ZNF454: variants seen among roughly 807,000 people sequenced by gnomAD.
ZNF454 encodes zinc finger protein 454.
A neutral mutation model predicts 48.2 loss-of-function variants in ZNF454; 30 were observed. That is an observed-to-expected ratio of 0.62 (90% CI 0.47 to 0.84). ZNF454 has a LOEUF of 0.84. Ranked by LOEUF, ZNF454 falls within the 40% of genes least tolerant of loss-of-function variation. The pLI is 0.00. For synonymous variants in ZNF454, 204 were observed against 211.4 expected (o/e 0.97, Z 0.30); for missense variants, 510 against 623.1 (o/e 0.82, Z 1.93).
the ZNF454 span, chr5:178,975,601 C>T: frequency 3.1e-6 from 1 of 323,032 alleles, no homozygotes; most frequent in Non-Finnish European, 6.5e-6. Flanking sequence ...TTATTAAAAC[C>T]CTCCAGTGTC....
chr5:178,980,399 A>G, the ZNF454 span: 1 of 154,320 alleles, frequency 6.5e-6, no homozygotes, highest in South Asian at 2.0e-4. This position sits in a 1 kb window ranked among gnomAD's most constrained non-coding sequence, Gnocchi z 4.3. Context: ...CAGCTTGCAA[A>G]TGGACTTCCC....
At position 178,958,693 on chromosome 5, in the gene ZNF454, C is replaced by T. The variant is rs374878565; in HGVS notation, c.251-5962C>T. On this transcript the variant is annotated intron_variant, in intron 4 of 4. Transcript: ENST00000519564. ...TGGTTATACTAATTTATACTCCTAC[C>T]GGCGAAATGCAAGGTTTCCATATCA... 3.3e-5 allele frequency among the ~76,000 whole-genome samples: 5 copies of T among 152,262 alleles called. No homozygotes were observed. In the East Asian group the frequency reaches 9.6e-4, roughly 29 times the overall value.
the ZNF454 span, chr5:178,986,753 C>T: frequency 6.2e-7 from 1 of 1,608,420 alleles, no homozygotes; most frequent in Non-Finnish European, 8.5e-7. Context: ...AGGGCCTCCA[C>T]CTGGGACGCA....
At chr5:178,985,474 T>A in the ZNF454 span, among the ~76,000 whole-genome samples, 9 of 150,160 alleles carry the variant, frequency 6.0e-5, no homozygotes, top group East Asian at 3.9e-4. Context: ...GAGGCCGAGG[T>A]GGGCGGATCA....
At chr5:178,986,107 C>T in the ZNF454 span, 1 of 1,607,910 alleles carries the variant, frequency 6.2e-7, no homozygotes, top group Non-Finnish European at 8.5e-7. Context: ...CCTGCCCTGG[C>T]CCTTGGGAGC....
chr5:178,981,436 G>T, the ZNF454 span: 1 of 555,980 alleles, frequency 1.8e-6, no homozygotes, highest in South Asian at 2.3e-5. The surrounding 1 kb of genome is among the most constrained non-coding windows in gnomAD (Gnocchi z 5.1). Flanking sequence ...CATGGGAAGC[G>T]AGTCTGGTCT....
chr5:178,947,455 C>T (rs1759384293), intron 4 of ZNF454, among the ~76,000 whole-genome samples: 1 of 152,198 alleles, frequency 6.6e-6, no homozygotes, highest in Admixed American at 6.5e-5. Flanking sequence ...ATGTGTTTGT[C>T]CACGTGGGTT....
downstream of ZNF454, chr5:178,966,482 A>C (rs1221321564): frequency 3.3e-5 from 5 of 152,234 alleles, no homozygotes; most frequent in African/African-American, 1.2e-4. Context: ...ATTCTTTAAT[A>C]CTGCCTCAAA....
chr5:178,973,276 G>A, the ZNF454 span, among the ~76,000 whole-genome samples: 1 of 152,062 alleles, frequency 6.6e-6, no homozygotes, highest in Non-Finnish European at 1.5e-5. Context: ...AATGGAAGAA[G>A]CTATTGTCTG....
the ZNF454 span, among the ~76,000 whole-genome samples, chr5:178,987,905 A>T: frequency 7.0e-6 from 1 of 143,378 alleles, no homozygotes; most frequent in African/African-American, 2.6e-5. Context: ...GATTATAGGC[A>T]CCCGTCGCCA....
chr5:178,942,274 C>T (rs1466019555), intron 1 of ZNF454, among the ~76,000 whole-genome samples: 2 of 152,088 alleles, frequency 1.3e-5, no homozygotes, highest in Admixed American at 6.5e-5. Context: ...GGCGTGGTGG[C>T]GGGTGCGTGT....
At chr5:178,988,919 G>A in the ZNF454 span, 1 of 1,602,870 alleles carries the variant, frequency 6.2e-7, no homozygotes, top group Non-Finnish European at 8.5e-7. This position sits in a 1 kb window ranked among gnomAD's most constrained non-coding sequence, Gnocchi z 6.0. Flanking sequence ...CTGCAGGGGG[G>A]CAGGCACCCA....
chr5:178,951,040 A>C (rs961044557), intron 4 of ZNF454, among the ~76,000 whole-genome samples: 1 of 151,778 alleles, frequency 6.6e-6, no homozygotes, highest in African/African-American at 2.4e-5. Flanking sequence ...TTGTGTTTTT[A>C]GTAGAGATGG....
At chr5:178,984,601 C>T in the ZNF454 span, among the ~76,000 whole-genome samples, 1 of 152,096 alleles carries the variant, frequency 6.6e-6, no homozygotes, top group South Asian at 2.1e-4. Flanking sequence ...TAAGCATCTC[C>T]ACCTGAGGGT....
chr5:178,963,732 T>C (rs1581881065), intron 4 of ZNF454, among the ~76,000 whole-genome samples: 1 of 151,874 alleles, frequency 6.6e-6, no homozygotes, highest in East Asian at 2.0e-4. Flanking sequence ...ACATTATTCA[T>C]ATGGGTTTGG....
In ZNF454 at chr5:178,964,701, G is replaced by T; in HGVS notation, c.297G>T (p.Glu99Asp). The T allele has an allele frequency of 6.2e-7, 1 of 1,614,232 alleles. No individual in the cohort carries two copies. The highest frequency in any genetic ancestry group is 8.5e-7 in the Non-Finnish European group (1 of 1,180,032). The change falls in exon 5 of 5, where the codon GAG becomes GAT. Residue 99 changes from glutamate to aspartate, a missense_variant. Around this residue, in one of 3 missense-constraint regions of ZNF454, gnomAD observed 354 missense variants for 408.9 expected, o/e 0.87. Transcript: ENST00000519564. ...GTAAGAAATCTACTGTCAAGGCAGA[G>T]ATTCCTGAAGAAGAATTGGATCAAT... ...PASKKSTVKA[E>D]IPEEELDQWT...
intron 4 of ZNF454, chr5:178,956,916 A>G: frequency 1.0e-5 from 3 of 299,632 alleles, no homozygotes; most frequent in South Asian, 7.4e-5. Context: ...ATGGAGTCTC[A>G]CTCTGTTACC....
At chr5:178,986,755 T>C in the ZNF454 span, 1 of 1,608,586 alleles carries the variant, frequency 6.2e-7, no homozygotes, top group Non-Finnish European at 8.5e-7. Context: ...GGCCTCCACC[T>C]GGGACGCACA....
chr5:178,989,660 G>A, the ZNF454 span: 2 of 577,630 alleles, frequency 3.5e-6, no homozygotes, highest in South Asian at 3.9e-5. Context: ...GCCAACTGGA[G>A]GTTCCAGGGT....
Sources: allele counts gnomAD v4.1 joint callset (sites outside exome capture counted in the v4.1 genomes callset), GRCh38; gene constraint gnomAD v4.1.1; regional missense constraint gnomAD v4.1.1; non-coding constraint Gnocchi (gnomAD v3.1); transcripts MANE v1.5; gene names NCBI Gene and HGNC (gene_info 2026-07-23, HGNC 2026-07-21).